The following PRKX variants were observed in gnomAD, a reference collection of about 807,000 sequenced individuals.
The protein encoded by PRKX is cAMP-dependent protein kinase catalytic subunit PRKX.
PRKX carries 12 observed loss-of-function variants against 22.0 expected under a neutral mutation model. The ratio of observed to expected loss-of-function variants is 0.54; its 90% CI spans 0.35 to 0.88. The LOEUF (loss-of-function observed/expected upper bound fraction) is 0.88. PRKX is among the 40% of genes least tolerant of loss of function. The probability of loss-of-function intolerance (pLI) is 0.01; values close to 1 mark genes in which losing one functional copy is unlikely to be tolerated. For synonymous variants in PRKX, 134 were observed against 137.7 expected (o/e 0.97, Z 0.19); for missense variants, 217 against 308.0 (o/e 0.70, Z 2.21).
chrX:3,701,276 T>TTTTA (rs1447054887), intron 1 of PRKX, among the ~76,000 whole-genome samples: 2 of 100,804 alleles, frequency 2.0e-5, no homozygotes, highest in African/African-American at 4.0e-5. Context: ...ACACGGCTGA[T>TTTTA]TTTATTTTTT....
intron 3 of PRKX, among the ~76,000 whole-genome samples, chrX:3,642,560 C>T (rs1418459027): frequency 5.4e-5 from 6 of 110,767 alleles, no homozygotes; most frequent in African/African-American, 2.0e-4. Flanking sequence ...AATCAGTACA[C>T]CAAGTGTCAT....
chrX:3,608,928 A>T lies in PRKX; in HGVS notation c.*41T>A, dbSNP rs2146552080. 1 of 111,911 alleles carries T rather than the reference A, an allele frequency of 8.9e-6. No individual in the cohort carries two copies. Among genetic ancestry groups the T allele is most frequent in the East Asian group, 2.8e-4 (1 of 3,571 alleles). 9.2% of individuals were successfully genotyped at this position (111,911 alleles called of 1,213,427 possible). The stretch of plus-strand genomic sequence containing the variant: ...AGGTGCAGTTCTTTGTTCCAGGCAG[A>T]TTCCAATCTTCCTGTTTCTAGCATG... On this transcript the variant is annotated 3_prime_UTR_variant, in exon 9 of 9. Coordinates refer to ENST00000262848, the MANE Select transcript of PRKX (RefSeq NM_005044.5).
rs1244014213 is a variant in PRKX, at chrX:3,713,396, C to T, written c.-143G>A. The T allele has an allele frequency of 2.1e-6, 1 of 476,660 alleles. No homozygotes were observed. The highest frequency in any genetic ancestry group is 3.0e-6 in the Non-Finnish European group (1 of 338,602). The allele number at this position is 476,660 out of a possible 1,213,427, so 39.3% of individuals were successfully genotyped here. A position where few individuals can be genotyped will look rare whatever the true frequency, so the allele number is the denominator to read the frequency against. The stretch of plus-strand genomic sequence containing the variant: ...GCGCTCTCGCCTCCTGGTGCGCGGT[C>T]CGGCGCGGCTGACGGAGCGACGGGG... On this transcript the variant is annotated 5_prime_UTR_variant, in exon 1 of 9. Transcript: ENST00000262848.
At chrX:3,657,379 C>T (rs1393848741) in intron 2 of PRKX, among the ~76,000 whole-genome samples, 3 of 111,180 alleles carry the variant, frequency 2.7e-5, no homozygotes, top group Admixed American at 9.6e-5. Context: ...CAGACACACA[C>T]AGAGGGACGA....
chrX:3,710,810 C>T (rs767281662), intron 1 of PRKX, among the ~76,000 whole-genome samples: 2 of 111,529 alleles, frequency 1.8e-5, no homozygotes, highest in Admixed American at 9.6e-5. Context: ...GGAATGAGGG[C>T]GAAAGAGCAC....
At chrX:3,691,674 A>T (rs909220202) in intron 1 of PRKX, among the ~76,000 whole-genome samples, 1 of 111,161 alleles carries the variant, frequency 9.0e-6, no homozygotes, top group African/African-American at 3.3e-5. Context: ...GACTCCACCC[A>T]CCTGTTATCA....
chrX:3,709,584 C>T (rs1350021085), intron 1 of PRKX, among the ~76,000 whole-genome samples: 1 of 111,224 alleles, frequency 9.0e-6, no homozygotes, highest in Admixed American at 9.7e-5. Context: ...CCATGACAAG[C>T]AAGCACTGGG....
rs1603474416 is a variant in PRKX at position 3,674,601 on chromosome X, C to T, written c.332G>A (p.Arg111Lys). ...GAGGCTTCAGGAGGGGACTCACAGC[C>T]TGATGAGGAACGGGTGGCTGACTTC... ...LKEVSHPFLI[R>K]LFWTWHDERF... Residue 111 changes from arginine (R) to lysine (K), a missense_variant, in exon 2 of 9, where the codon AGG becomes AAG. Arg to Lys is a conservative substitution (Grantham distance 26). Coordinates refer to ENST00000262848, the MANE Select transcript of PRKX (RefSeq NM_005044.5). 9.9e-6 allele frequency: 12 copies of T among 1,211,414 alleles called. 1 individual carries two copies. The East Asian group carries it at 3.3e-4, about 33-fold the overall frequency.
intron 2 of PRKX, among the ~76,000 whole-genome samples, chrX:3,664,947 A>ATCCC (rs1459295219): frequency 2.7e-5 from 3 of 112,542 alleles, no homozygotes; most frequent in African/African-American, 9.7e-5. Context: ...GTCCACGTGT[A>ATCCC]TCCCTGAATG....
At chrX:3,669,409 T>TC (rs1288668445) in intron 2 of PRKX, among the ~76,000 whole-genome samples, 1 of 111,972 alleles carries the variant, frequency 8.9e-6, no homozygotes, top group African/African-American at 3.3e-5. Context: ...TAACTTTTTG[T>TC]CCCCCCATAG....
chrX:3,683,525 G>A (rs1928114704), intron 1 of PRKX, among the ~76,000 whole-genome samples: 1 of 111,382 alleles, frequency 9.0e-6, no homozygotes, highest in Non-Finnish European at 1.9e-5. Flanking sequence ...AAGGAGCCGA[G>A]ATGAAAAACC....
At chrX:3,687,672 G>T (rs1410260788) in intron 1 of PRKX, among the ~76,000 whole-genome samples, 1 of 110,608 alleles carries the variant, frequency 9.0e-6, no homozygotes, top group Non-Finnish European at 1.9e-5. Flanking sequence ...TTGAACATGG[G>T]CATCCCAGGG....
intron 8 of PRKX, among the ~76,000 whole-genome samples, chrX:3,609,777 C>T (rs1926256782): frequency 8.9e-6 from 1 of 111,868 alleles, no homozygotes; most frequent in African/African-American, 3.2e-5. Flanking sequence ...CTATCATACG[C>T]TTATCCATAA....
intron 3 of PRKX, among the ~76,000 whole-genome samples, chrX:3,647,903 C>A (rs1219744727): frequency 3.6e-5 from 4 of 110,568 alleles, no homozygotes; most frequent in Non-Finnish European, 7.5e-5. Context: ...CGGCCCCTGG[C>A]ACCCACCATT....
intron 5 of PRKX, among the ~76,000 whole-genome samples, chrX:3,625,368 C>T (rs1273624409): frequency 9.0e-6 from 1 of 111,552 alleles, no homozygotes; most frequent in Non-Finnish European, 1.9e-5. Flanking sequence ...CTGAACTGAA[C>T]TTCCACCGGC....
intron 4 of PRKX, among the ~76,000 whole-genome samples, chrX:3,635,236 G>A (rs1480194886): frequency 9.0e-6 from 1 of 111,559 alleles, no homozygotes; most frequent in Non-Finnish European, 1.9e-5. Context: ...AAGGGTTCCC[G>A]AGGCCAACAT....
At chrX:3,654,477 T>G (rs1296276819) in intron 3 of PRKX, among the ~76,000 whole-genome samples, 1 of 100,242 alleles carries the variant, frequency 1.0e-5, no homozygotes, top group African/African-American at 3.7e-5. Context: ...TTTTTTTTTT[T>G]GTTTTGTTTT....
chrX:3,621,295 G>A lies in PRKX; in HGVS notation c.837C>T (p.Leu279=), dbSNP rs137900398. 83 of 1,203,558 alleles carry A rather than the reference G, an allele frequency of 6.9e-5. No homozygotes were observed. The African/African-American group carries it at 8.9e-4, about 13-fold the overall frequency. Reference sequence around the variant, plus strand: ...CTAATCGCCTTGTTCTGTCAACCACGAGCAGTTTCTTAATGAGGTCTCTAT... The same window carrying A: ...CTAATCGCCTTGTTCTGTCAACCACAAGCAGTTTCTTAATGAGGTCTCTAT... ...FHVKDLIKKL[L]VVDRTRRLGN... Residue 279 remains leucine, a synonymous_variant, in exon 6 of 9, where the codon CTC becomes CTT. Transcript: ENST00000262848.
At chrX:3,689,816 A>C (rs888987281) in intron 1 of PRKX, among the ~76,000 whole-genome samples, 1 of 111,368 alleles carries the variant, frequency 9.0e-6, no homozygotes, top group Non-Finnish European at 1.9e-5. Flanking sequence ...TCTCCACTAA[A>C]AATACAAAAA....
Sources: gnomAD v4.1 joint callset for allele counts (sites outside exome capture counted in the v4.1 genomes callset) on GRCh38, gnomAD v4.1.1 for gene constraint, MANE v1.5 for transcripts, NCBI Gene and HGNC (gene_info 2026-07-23, HGNC 2026-07-21) for gene names.